The following MFHAS1 variants were observed in gnomAD, a reference collection of about 807,000 sequenced individuals.
The protein encoded by MFHAS1 is multifunctional ROCO family signaling regulator 1.
A neutral mutation model predicts 70.4 loss-of-function variants in MFHAS1; 50 were observed. That is an observed-to-expected ratio of 0.71 (90% CI 0.57 to 0.90). The LOEUF is 0.90. Among genes scored for constraint, MFHAS1 ranks in the 40% least tolerant of loss-of-function variants. The probability of loss-of-function intolerance (pLI) is 0.00; values close to 1 mark genes in which losing one functional copy is unlikely to be tolerated. For missense variants in MFHAS1, 1,795 were observed against 1,347.6 expected, an observed-to-expected ratio of 1.33 and a Z score of -5.20; for synonymous variants, 952 against 620.0, an observed-to-expected ratio of 1.54 and a Z score of -7.96.
At chr8:8,825,305 T>C (rs564298376) in intron 1 of MFHAS1, among the ~76,000 whole-genome samples, 120 of 152,296 alleles carry the variant, frequency 7.9e-4, no homozygotes, top group African/African-American at 2.6e-3. Context: ...CCAGAATAGC[T>C]AGGATTACAG....
intron 1 of MFHAS1, among the ~76,000 whole-genome samples, chr8:8,866,631 C>A (rs948630296): frequency 6.6e-6 from 1 of 152,180 alleles, no homozygotes; most frequent in Non-Finnish European, 1.5e-5. Context: ...AAGGATCACT[C>A]TTATCCCTAG....
At chr8:8,792,794 G>T (rs1001670018) in intron 2 of MFHAS1, among the ~76,000 whole-genome samples, 1 of 152,132 alleles carries the variant, frequency 6.6e-6, no homozygotes, top group African/African-American at 2.4e-5. Flanking sequence ...CATTGCACAG[G>T]TGAATTTTCT....
intron 2 of MFHAS1, among the ~76,000 whole-genome samples, chr8:8,795,222 A>C (rs1563177156): frequency 6.6e-6 from 1 of 152,230 alleles, no homozygotes; most frequent in African/African-American, 2.4e-5. Context: ...AAGAGACAGA[A>C]GAAAAAGAAA....
At chr8:8,822,326 G>A (rs961631629) in intron 1 of MFHAS1, among the ~76,000 whole-genome samples, 9 of 152,324 alleles carry the variant, frequency 5.9e-5, no homozygotes, top group East Asian at 1.9e-4. Context: ...AAAATGGAGC[G>A]AGTCCTCAGG....
At chr8:8,885,155 C>T (rs1057317115) in intron 1 of MFHAS1, among the ~76,000 whole-genome samples, 5 of 152,080 alleles carry the variant, frequency 3.3e-5, no homozygotes, top group African/African-American at 9.7e-5. Context: ...CGGAGAGGTA[C>T]ACTCCGTGTG....
chr8:8,868,383 G>A (rs1808942699), intron 1 of MFHAS1, among the ~76,000 whole-genome samples: 1 of 149,078 alleles, frequency 6.7e-6, no homozygotes, highest in African/African-American at 2.5e-5. Flanking sequence ...AATCTAGTAT[G>A]AACTAAAAGC....
At chr8:8,825,150 T>C (rs893577915) in intron 1 of MFHAS1, among the ~76,000 whole-genome samples, 3 of 152,158 alleles carry the variant, frequency 2.0e-5, no homozygotes, top group Admixed American at 2.0e-4. Context: ...GACTACAGGC[T>C]GGAGAACTTA....
intron 1 of MFHAS1, among the ~76,000 whole-genome samples, chr8:8,866,423 A>C (rs182641691): frequency 6.3e-4 from 96 of 151,952 alleles, no homozygotes; most frequent in African/African-American, 2.3e-3. Flanking sequence ...GGCTCAAACA[A>C]TCCTCCCACC....
chr8:8,811,292 A>G (rs1185868539), intron 1 of MFHAS1, among the ~76,000 whole-genome samples: 1 of 151,064 alleles, frequency 6.6e-6, no homozygotes, highest in African/African-American at 2.5e-5. Context: ...GAAAAATTAT[A>G]ATTGCAAACC....
Position 8,797,497 on chromosome 8 carries a change from G to C in MFHAS1, c.2999-6C>G, listed in dbSNP as rs778047387. ...GGGCTGACTCAGCAACTCCCCTGTA[G>C]GAGGAGAGAGAAAAACGTGTTAGGG... On this transcript the variant is annotated splice_polypyrimidine_tract_variant and splice_region_variant and intron_variant, in intron 1 of 2. Transcript: ENST00000276282. The C allele has an allele frequency of 2.5e-6, 4 of 1,612,462 alleles. No homozygotes were observed. Among genetic ancestry groups the C allele is most frequent in the Non-Finnish European group, 3.4e-6 (4 of 1,178,930 alleles).
intron 1 of MFHAS1, among the ~76,000 whole-genome samples, chr8:8,843,233 C>T (rs2116857422): frequency 6.7e-6 from 1 of 148,468 alleles, no homozygotes; most frequent in South Asian, 2.1e-4. Context: ...TGCGCCACTG[C>T]AGTCCGCAGT....
In MFHAS1 at chr8:8,890,723, A is replaced by C. The variant is rs1029215004; in HGVS notation, c.2336T>G (p.Leu779Arg). Residue 779 changes from leucine to arginine, a missense_variant, in exon 1 of 3, where the codon CTG becomes CGG. Physicochemically the swap from Leu to Arg is moderately radical, Grantham distance 102. Transcript: ENST00000276282. ...CTGATGGAGCTGGGTGGCCCGGAGC[A>C]GTTCCTGGCTGGGGGTGGACCGCGC... Reference protein sequence around the residue: ...PMARSTPSQELLRATQLHQYV... With the variant: ...PMARSTPSQERLRATQLHQYV... 1 of 1,613,726 alleles carries C rather than the reference A, an allele frequency of 6.2e-7. No individual in the cohort carries two copies. The highest frequency in any genetic ancestry group is 8.5e-7 in the Non-Finnish European group (1 of 1,179,760).
intron 2 of MFHAS1, among the ~76,000 whole-genome samples, chr8:8,795,369 G>C (rs1403170468): frequency 6.6e-6 from 1 of 152,174 alleles, no homozygotes; most frequent in African/African-American, 2.4e-5. Flanking sequence ...GGATATTCAG[G>C]TTAATATTCG....
At chr8:8,819,718 C>T (rs1806882935) in intron 1 of MFHAS1, among the ~76,000 whole-genome samples, 1 of 152,008 alleles carries the variant, frequency 6.6e-6, no homozygotes, top group African/African-American at 2.4e-5. Flanking sequence ...CCCCAAAGAG[C>T]CTTTTGTACC....
rs1429066828 is a variant in MFHAS1, at chr8:8,891,388, C to T, written c.1671G>A (p.Gln557=). 1.9e-6 allele frequency: 3 copies of T among 1,612,022 alleles called. No homozygotes were observed. In the African/African-American group the frequency reaches 4.0e-5, roughly 22 times the overall value. ...LEEKCLDIHR[Q]IALQEKHDAE... is the part of the protein sequence containing the mutation. ...CGTCGTGCTTCTCCTGCAGGGCGATCTGGCGGTGAATGTCCAGACATTTCT... is the reference window on the plus strand; with the variant it reads ...CGTCGTGCTTCTCCTGCAGGGCGATTTGGCGGTGAATGTCCAGACATTTCT... Residue 557 remains glutamine (Q), a synonymous_variant, in exon 1 of 3, where the codon CAG becomes CAA. Coordinates refer to ENST00000276282, the MANE Select transcript of MFHAS1 (RefSeq NM_004225.3). This position sits in a 1 kb window ranked among gnomAD's most constrained non-coding sequence, Gnocchi z 5.4.
chr8:8,805,377 C>T (rs1585024876), intron 1 of MFHAS1, among the ~76,000 whole-genome samples: 1 of 152,152 alleles, frequency 6.6e-6, no homozygotes, highest in South Asian at 2.1e-4. Flanking sequence ...TTTTGTGTGT[C>T]ACATATAGCA....
chr8:8,795,229 G>C (rs890659136), intron 2 of MFHAS1, among the ~76,000 whole-genome samples: 6 of 152,076 alleles, frequency 3.9e-5, no homozygotes, highest in African/African-American at 1.2e-4. Flanking sequence ...AGAAGAAAAA[G>C]AAAACATATA....
chr8:8,786,141 A>G (rs748510076), intron 2 of MFHAS1, 86 bp from the exon 3 acceptor site: 3 of 1,255,194 alleles, frequency 2.4e-6, no homozygotes, highest in Non-Finnish European at 3.5e-6. Context: ...AAGTGATGAT[A>G]GAAATCTATT....
At chr8:8,810,184 T>C (rs1483564180) in intron 1 of MFHAS1, among the ~76,000 whole-genome samples, 1 of 152,164 alleles carries the variant, frequency 6.6e-6, no homozygotes, top group African/African-American at 2.4e-5. Flanking sequence ...CTGGCCGACA[T>C]GGTAAAACCT....
Sources: gnomAD v4.1 joint callset for allele counts (sites outside exome capture counted in the v4.1 genomes callset) on GRCh38, gnomAD v4.1.1 for gene constraint, Gnocchi (gnomAD v3.1) non-coding constraint, MANE v1.5 for transcripts, NCBI Gene and HGNC (gene_info 2026-07-23, HGNC 2026-07-21) for gene names.